CLTCL1: variants seen among roughly 807,000 people sequenced by gnomAD.
CLTCL1 encodes the protein clathrin heavy chain like 1, also known as clathrin heavy chain 2.
Under a neutral mutation model 190.0 loss-of-function variants are expected in CLTCL1, and 159 were observed. The ratio of observed to expected loss-of-function variants is 0.84; its 90% CI spans 0.74 to 0.95. The LOEUF (loss-of-function observed/expected upper bound fraction) is 0.95. Ranked by LOEUF, CLTCL1 falls within the 40% of genes least tolerant of loss-of-function variation. The pLI, the probability that CLTCL1 is intolerant of heterozygous loss-of-function variation, is 0.00. For synonymous variants in CLTCL1, 752 were observed against 769.6 expected, an observed-to-expected ratio of 0.98 and a Z score of 0.38; for missense variants, 1,878 against 2,033.4, an observed-to-expected ratio of 0.92 and a Z score of 1.47.
At chr22:19,207,554 C>T (rs1241322749) in intron 22 of CLTCL1, 3 of 403,654 alleles carry the variant, frequency 7.4e-6, no homozygotes, top group East Asian at 7.1e-5. Flanking sequence ...TCTTTATCTG[C>T]ATCACACTAA....
intron 6 of CLTCL1, among the ~76,000 whole-genome samples, 173 bp from the exon 7 acceptor site, chr22:19,234,879 G>A (rs1447158265): frequency 6.6e-6 from 1 of 152,164 alleles, no homozygotes; most frequent in Non-Finnish European, 1.5e-5. Flanking sequence ...AAGCCAAATG[G>A]TAACAAAACA....
chr22:19,207,450 T>C (rs1342997451), intron 22 of CLTCL1: 5 of 399,394 alleles, frequency 1.3e-5, no homozygotes, highest in African/African-American at 2.1e-5. Context: ...CTGATGTGTA[T>C]AGCCAAGAGC....
chr22:19,279,949 T>C (rs1555985558), intron 1 of CLTCL1, among the ~76,000 whole-genome samples: 1 of 152,226 alleles, frequency 6.6e-6, no homozygotes, highest in Non-Finnish European at 1.5e-5. Context: ...CACATGGATC[T>C]GTCTGTCTGC....
At position 19,232,561 on chromosome 22, in the gene CLTCL1, C is replaced by G; in HGVS notation, c.1559G>C (p.Gly520Ala). 2 of 1,613,826 alleles carry G rather than the reference C, an allele frequency of 1.2e-6. No homozygotes were observed. Among genetic ancestry groups the G allele is most frequent in the Non-Finnish European group, 1.7e-6 (2 of 1,179,826 alleles). ...CTGTTCCGGACTGATCTTCATTACA[C>G]CCCTCAGCAGAAAGATCCAGTCTGG... is the stretch of plus-strand genomic sequence containing the variant. Reference protein sequence around the residue: ...YTPDWIFLLRGVMKISPEQGL... With the variant: ...YTPDWIFLLRAVMKISPEQGL... The change falls in exon 10 of 33, where the codon GGT (glycine) becomes GCT (alanine). Residue 520 changes from glycine to alanine, a missense_variant. Transcript: ENST00000427926.
intron 2 of CLTCL1, among the ~76,000 whole-genome samples, chr22:19,261,258 G>A (rs577970442): frequency 2.8e-4 from 43 of 152,046 alleles, no homozygotes; most frequent in African/African-American, 7.5e-4. Context: ...GACTACAGGC[G>A]CCCAACCATG....
In CLTCL1 at chr22:19,201,434, A is replaced by G. The variant is rs782167971; in HGVS notation, c.3660T>C (p.Asn1220=). The change falls in exon 23 of 33, where the codon AAT becomes AAC. Residue 1220 remains asparagine, a synonymous_variant. Transcript: ENST00000427926. The part of the protein sequence containing the change: ...MYEAAKLLYS[N]VSNFARLAST... ...AAGCCAGGCGGGCAAAGTTAGAAAC[A>G]TTGCTATAGAGCAGCTTGGCAGCCT... The G allele has an allele frequency of 5.6e-6, 9 of 1,613,932 alleles. No homozygotes were observed. In the Admixed American group the frequency reaches 1.3e-4, roughly 24 times the overall value.
At chr22:19,188,908 C>A (rs536743977) in intron 27 of CLTCL1, among the ~76,000 whole-genome samples, 6 of 152,102 alleles carry the variant, frequency 3.9e-5, no homozygotes, top group South Asian at 2.1e-4. Context: ...AGCCACTGCG[C>A]CCAGCCGGCA....
intron 2 of CLTCL1, among the ~76,000 whole-genome samples, chr22:19,262,741 C>A (rs1387872688): frequency 6.6e-6 from 1 of 150,946 alleles, no homozygotes; most frequent in Non-Finnish European, 1.5e-5. Context: ...AAAAAGTTTA[C>A]AACTCGCAGC....
chr22:19,224,685 G>A (rs782171669), intron 13 of CLTCL1, among the ~76,000 whole-genome samples: 3 of 152,138 alleles, frequency 2.0e-5, no homozygotes, highest in East Asian at 1.9e-4. Flanking sequence ...CTGGGCTGAC[G>A]GTTCTCCACC....
chr22:19,225,192 A>G (rs574928183), intron 13 of CLTCL1, among the ~76,000 whole-genome samples: 2 of 152,160 alleles, frequency 1.3e-5, no homozygotes, highest in Non-Finnish European at 2.9e-5. Flanking sequence ...CTGCGTAGAC[A>G]CACCGGGCTC....
In CLTCL1 at chr22:19,208,456, G is replaced by A. The variant is rs1158278664; in HGVS notation, c.3443-145C>T. The A allele has an allele frequency of 2.8e-5, 27 of 962,454 alleles. No individual in the cohort carries two copies. The East Asian group carries it at 6.4e-4, about 23-fold the overall frequency. 59.6% of individuals were successfully genotyped at this position (962,454 alleles called of 1,614,324 possible). Reference sequence around the variant, plus strand: ...CTCAGACTCCAGATAACGTCTAGGAGGTCTTGATTATGCTCACTAAGCAGA... The same window carrying A: ...CTCAGACTCCAGATAACGTCTAGGAAGTCTTGATTATGCTCACTAAGCAGA... On this transcript the variant is annotated intron_variant, in intron 21 of 32. Coordinates refer to ENST00000427926, the MANE Select transcript of CLTCL1 (RefSeq NM_007098.4).
intron 2 of CLTCL1, among the ~76,000 whole-genome samples, chr22:19,255,601 CA>C (rs1284780876): frequency 6.6e-6 from 1 of 150,794 alleles, no homozygotes; most frequent in Non-Finnish European, 1.5e-5. Context: ...TAGCAGCAAA[CA>C]ATTTGGAAAT....
At chr22:19,214,776 A>G (rs2085334287) in intron 19 of CLTCL1, among the ~76,000 whole-genome samples, 2 of 150,466 alleles carry the variant, frequency 1.3e-5, no homozygotes, top group African/African-American at 4.9e-5. Flanking sequence ...CACCTCCCAG[A>G]CTCAAGCGAT....
Position 19,275,836 on chromosome 22 carries a change from C to T in CLTCL1, c.43-6G>A. 6.3e-7 allele frequency: 1 copy of T among 1,578,394 alleles called. No homozygotes were observed. On this transcript the variant is annotated splice_polypyrimidine_tract_variant and splice_region_variant and intron_variant, in intron 1 of 32. Transcript: ENST00000427926. ...TTAATTCCAAGGTTTTGGAGCTAAA[C>T]AGAAAAAAAGCATTTGATTAAATTT... is the stretch of plus-strand genomic sequence containing the variant.
intron 3 of CLTCL1, among the ~76,000 whole-genome samples, chr22:19,249,455 T>C (rs992685586): frequency 6.6e-6 from 1 of 152,170 alleles, no homozygotes; most frequent in African/African-American, 2.4e-5. Flanking sequence ...CAGAGAAATA[T>C]GTTCATAACT....
In CLTCL1 at chr22:19,222,046, C is replaced by T; in HGVS notation, c.2466G>A (p.Val822=). 6.2e-7 allele frequency: 1 copy of T among 1,613,988 alleles called. No individual in the cohort carries two copies. ...GTTTAATCACTTCCTCAGAACAATC[C>T]ACATCAAGCAGCCCTCCAATCACAG... ...TPAVIGGLLD[V]DCSEEVIKHL... The change falls in exon 16 of 33, where the codon GTG becomes GTA. Residue 822 remains valine (V), a synonymous_variant. Coordinates refer to ENST00000427926, the MANE Select transcript of CLTCL1 (RefSeq NM_007098.4).
rs13340091 is a variant in CLTCL1, at chr22:19,279,167, G to A, written c.43-3337C>T. ...TTATTTATTTATTTGAGACAGTCTC[G>A]CTGCGACGCCCATCCTGGAGTGCAA... On this transcript the variant is annotated intron_variant, in intron 1 of 32. Transcript: ENST00000427926. Among the ~76,000 whole-genome samples the A allele has an allele frequency of 5.9e-3, 901 of 152,192 alleles. 9 individuals carry two copies. Among genetic ancestry groups the A allele is most frequent in the African/African-American group, 0.021 (870 of 41,510 alleles).
chr22:19,278,466 T>A (rs2087593637), intron 1 of CLTCL1, among the ~76,000 whole-genome samples: 1 of 152,034 alleles, frequency 6.6e-6, no homozygotes, highest in South Asian at 2.1e-4. Flanking sequence ...GAGCAGCCCA[T>A]GAAGATGGAC....
chr22:19,216,014 G>T, intron 19 of CLTCL1, 97 bp downstream of exon 19: 1 of 1,217,506 alleles, frequency 8.2e-7, no homozygotes, highest in Non-Finnish European at 1.1e-6. Flanking sequence ...TGGGCAGGCT[G>T]GATGGGTGAA....
Sources: allele counts gnomAD v4.1 joint callset (sites outside exome capture counted in the v4.1 genomes callset), GRCh38; gene constraint gnomAD v4.1.1; transcripts MANE v1.5; gene names NCBI Gene and HGNC (gene_info 2026-07-23, HGNC 2026-07-21).